Variants in PAPOLB observed in about 807,000 individuals in gnomAD.
PAPOLB encodes poly(A) polymerase beta, also known as PAP-beta.
A neutral mutation model predicts 23.2 loss-of-function variants in PAPOLB; 19 were observed. The ratio of observed to expected loss-of-function variants is 0.82; its 90% CI spans 0.57 to 1.20. The LOEUF (loss-of-function observed/expected upper bound fraction) is 1.20. Ranked by LOEUF, PAPOLB falls within the 50% of genes most tolerant of loss-of-function variation. PAPOLB has a pLI of 0.00. For missense variants in PAPOLB, 822 were observed against 776.8 expected (o/e 1.06, Z -0.69); for synonymous variants, 360 against 290.7 (o/e 1.24, Z -2.43).
Position 4,859,922 on chromosome 7 carries a change from T to C in PAPOLB, c.1889A>G (p.Gln630Arg), listed in dbSNP as rs1002692978. 1 of 1,612,112 alleles carries C rather than the reference T, an allele frequency of 6.2e-7. No homozygotes were observed. Among genetic ancestry groups the C allele is most frequent in the African/African-American group, 1.3e-5 (1 of 74,990 alleles). Residue 630 changes from glutamine (Q) to arginine (R), a missense_variant, in exon 1 of 1, where the codon CAG becomes CGG. Physicochemically the swap from Gln to Arg is conservative, Grantham distance 43 (BLOSUM62 1). Transcript: ENST00000404991. ...CTATAGGATTAGATATGTTTGTTGC[T>C]GAGTTTCCTGAAGGTCTGGATGGCT... ...LISHPDLQET[Q>R]QQTYLIL
chr7:4,861,743 A>T lies in PAPOLB; in HGVS notation c.68T>A (p.Val23Asp). ...GACCGCTAGACTGATAGGCGAGGAG[A>T]CGCCGTAGCGATTCGGCGGCGGCGC... ...QPAPPPNRYG[V>D]SSPISLAVPK... Residue 23 changes from valine (V) to aspartate (D), a missense_variant, in exon 1 of 1, where the codon GTC (valine) becomes GAC (aspartate). Around this residue, in one of 3 missense-constraint regions of PAPOLB, gnomAD observed 276 missense variants for 243.9 expected, o/e 1.13. Transcript: ENST00000404991. 3 of 1,507,744 alleles carry T rather than the reference A, an allele frequency of 2.0e-6. No homozygotes were observed. Among genetic ancestry groups the T allele is most frequent in the Non-Finnish European group, 2.7e-6 (3 of 1,130,258 alleles). The allele number at this position is 1,507,744 out of a possible 1,614,324, so 93.4% of individuals were successfully genotyped here.
In PAPOLB at chr7:4,861,312, T is replaced by C. The variant is rs1232244478; in HGVS notation, c.499A>G (p.Ile167Val). 3 of 1,613,996 alleles carry C rather than the reference T, an allele frequency of 1.9e-6. No homozygotes were observed. The highest frequency in any genetic ancestry group is 1.7e-5 in the Admixed American group (1 of 60,032). ...VIKLCFDGIE[I>V]DILFARLALQ... is the part of the protein sequence containing the mutation. ...GCTAATCTTGCAAATAAAATATCAA[T>C]CTCTATCCCATCAAAACACAGTTTG... Residue 167 changes from isoleucine (I) to valine (V), a missense_variant, in exon 1 of 1, where the codon ATT (isoleucine) becomes GTT (valine). Coordinates refer to ENST00000404991, the MANE Select transcript of PAPOLB (RefSeq NM_020144.5).
chr7:4,861,846 C>CCACCGCGACCTTCACGTCCCCCAT lies in PAPOLB; in HGVS notation c.-37_-36insATGGGGGACGTGAAGGTCGCGGTG. On this transcript the variant is annotated 5_prime_UTR_variant, in exon 1 of 1. The change creates a new upstream start codon in the 5' untranslated region. Transcript: ENST00000404991. Reference sequence around the variant, plus strand: ...CCGCCCCGCCAGGGCACGTCCCCCACCACCGCGACCTTCGCGGCCGCCGCC... The same window carrying CCACCGCGACCTTCACGTCCCCCAT: ...CCGCCCCGCCAGGGCACGTCCCCCACCACCGCGACCTTCACGTCCCCCATCACCGCGACCTTCGCGGCCGCCGCC... 7.2e-7 allele frequency: 1 copy of CCACCGCGACCTTCACGTCCCCCAT among 1,395,100 alleles called. No individual in the cohort carries two copies. Among genetic ancestry groups the CCACCGCGACCTTCACGTCCCCCAT allele is most frequent in the Non-Finnish European group, 9.4e-7 (1 of 1,067,728 alleles). The allele number at this position is 1,395,100 out of a possible 1,614,324, so 86.4% of individuals were successfully genotyped here.
At position 4,860,274 on chromosome 7, in the gene PAPOLB, CTTCTGTTG is replaced by C. The variant is rs1168284336; in HGVS notation, c.1529_1536del (p.Ser510TrpfsTer2). On this transcript the variant is annotated frameshift_variant, in exon 1 of 1. Transcript: ENST00000404991. ...TCGTTCAAATCTGTCAATCTTCTAC[CTTCTGTTG>C]AGTGTGCTTTCTTGTCCTGAAGCAC... is the stretch of plus-strand genomic sequence containing the variant. The C allele has an allele frequency of 2.1e-5, 34 of 1,613,854 alleles. No homozygotes were observed. Among genetic ancestry groups the C allele is most frequent in the Non-Finnish European group, 2.6e-5 (31 of 1,179,872 alleles).
Position 4,861,842 on chromosome 7 carries a change from C to CCCACCACCGCGACCTTCACGTCCT in PAPOLB, c.-33_-32insAGGACGTGAAGGTCGCGGTGGTGG. On this transcript the variant is annotated 5_prime_UTR_variant, in exon 1 of 1. Transcript: ENST00000404991. ...GCGCCCGCCCCGCCAGGGCACGTCC[C>CCCACCACCGCGACCTTCACGTCCT]CCACCACCGCGACCTTCGCGGCCGC... 1 of 1,395,734 alleles carries CCCACCACCGCGACCTTCACGTCCT rather than the reference C, an allele frequency of 7.2e-7. No individual in the cohort carries two copies. The highest frequency in any genetic ancestry group is 9.3e-7 in the Non-Finnish European group (1 of 1,070,910). The allele number at this position is 1,395,734 out of a possible 1,614,324, so 86.5% of individuals were successfully genotyped here.
chr7:4,861,770 G>T lies in PAPOLB; in HGVS notation c.41C>A (p.Pro14Gln). ...GCCGTAGCGATTCGGCGGCGGCGCC[G>T]GCTGCGGTGGTCCCTGGGTTGTCAC... is the stretch of plus-strand genomic sequence containing the variant. ...FPVTTQGPPQ[P>Q]APPPNRYGVS... The change falls in exon 1 of 1, where the codon CCG becomes CAG. Residue 14 changes from proline (P) to glutamine (Q), a missense_variant. Pro to Gln is a moderately conservative substitution (Grantham distance 76, BLOSUM62 -1). Transcript: ENST00000404991. The T allele has an allele frequency of 6.7e-7, 1 of 1,485,870 alleles. No homozygotes were observed. The highest frequency in any genetic ancestry group is 8.9e-7 in the Non-Finnish European group (1 of 1,120,638). 92.0% of individuals were successfully genotyped at this position (1,485,870 alleles called of 1,614,324 possible).
rs530008899 is a variant in PAPOLB, at chr7:4,861,569, C to A, written c.242G>T (p.Ser81Ile). ...AGACTGGGGAAGACTCTTGCTTTCA[C>A]TGATTTCGCGTATCCATTCCTTTAC... ...NLVKEWIREI[S>I]ESKSLPQSVI... Residue 81 changes from serine to isoleucine, a missense_variant, in exon 1 of 1, where the codon AGT becomes ATT. Physicochemically the swap from Ser to Ile is moderately radical, Grantham distance 142. Coordinates refer to ENST00000404991, the MANE Select transcript of PAPOLB (RefSeq NM_020144.5). 1.2e-5 allele frequency: 19 copies of A among 1,613,946 alleles called. No individual in the cohort carries two copies. In the African/African-American group the frequency reaches 2.5e-4, roughly 21 times the overall value.
rs1783999467 is a variant in PAPOLB, at chr7:4,861,592, T to C, written c.219A>G (p.Val73=). ...ILVLEKLNNL[V]KEWIREISES... ...CACTGATTTCGCGTATCCATTCCTT[T>C]ACCAGATTATTTAATTTTTCCAAAA... The change falls in exon 1 of 1, where the codon GTA becomes GTG. Residue 73 remains valine (V), a synonymous_variant. Transcript: ENST00000404991. 1 of 1,612,080 alleles carries C rather than the reference T, an allele frequency of 6.2e-7. No homozygotes were observed. Among genetic ancestry groups the C allele is most frequent in the South Asian group, 1.1e-5 (1 of 90,684 alleles).
In PAPOLB at chr7:4,861,006, G is replaced by T; in HGVS notation, c.805C>A (p.Leu269Ile). 6.2e-7 allele frequency: 1 copy of T among 1,614,218 alleles called. No individual in the cohort carries two copies. Among genetic ancestry groups the T allele is most frequent in the Non-Finnish European group, 8.5e-7 (1 of 1,180,026 alleles). The change falls in exon 1 of 1, where the codon CTT (leucine) becomes ATT (isoleucine). Residue 269 changes from leucine (L) to isoleucine (I), a missense_variant. By Grantham distance (5) the Leu-to-Ile change is conservative. Coordinates refer to ENST00000404991, the MANE Select transcript of PAPOLB (RefSeq NM_020144.5). ...QLYPNAVAST[L>I]VRKFFLVFSE... ...AATACCAAGAAGAATTTCCGTACAA[G>T]AGTTGACGCTACTGCATTTGGATAA...
chr7:4,861,556 ACT>A lies in PAPOLB; in HGVS notation c.253_254del (p.Leu86SerfsTer6), dbSNP rs1783997688. ...CGTTTTCAATTACAGACTGGGGAAGACTCTTGCTTTCACTGATTTCGCGTATC... is the reference window on the plus strand; with the variant it reads ...CGTTTTCAATTACAGACTGGGGAAGACTTGCTTTCACTGATTTCGCGTATC... ...EWIREISESK[S>X]LPQSVIENVG... On this transcript the variant is annotated frameshift_variant, in exon 1 of 1. Transcript: ENST00000404991. LOFTEE classifies it high-confidence loss of function. The A allele has an allele frequency of 1.2e-6, 2 of 1,613,984 alleles. No homozygotes were observed. Among genetic ancestry groups the A allele is most frequent in the Non-Finnish European group, 8.5e-7 (1 of 1,179,894 alleles).
At position 4,859,848 on chromosome 7, in the gene PAPOLB, T is replaced by C. The variant is rs1239133608; in HGVS notation, c.*49A>G. 1 of 1,318,606 alleles carries C rather than the reference T, an allele frequency of 7.6e-7. No individual in the cohort carries two copies. Among genetic ancestry groups the C allele is most frequent in the African/African-American group, 1.5e-5 (1 of 67,848 alleles). The allele number at this position is 1,318,606 out of a possible 1,614,324, so 81.7% of individuals were successfully genotyped here. A position where few individuals can be genotyped will look rare whatever the true frequency, so the allele number is the denominator to read the frequency against. On this transcript the variant is annotated 3_prime_UTR_variant, in exon 1 of 1. Transcript: ENST00000404991. ...GAGTTTCTCCTCTTCCGTTTTGGTT[T>C]TCTTGGTCCTTTCTTCTTTATGAGG...
chr7:4,861,378 T>C lies in PAPOLB; in HGVS notation c.433A>G (p.Lys145Glu). 6.2e-7 allele frequency: 1 copy of C among 1,614,218 alleles called. No individual in the cohort carries two copies. Among genetic ancestry groups the C allele is most frequent in the Non-Finnish European group, 8.5e-7 (1 of 1,180,022 alleles). The change falls in exon 1 of 1, where the codon AAA (lysine) becomes GAA (glutamate). Residue 145 changes from lysine (K) to glutamate (E), a missense_variant. Transcript: ENST00000404991. ...YAKLKLQEEV[K>E]DLRAVEEAFV... ...GCCTCCTCGACAGCCCTTAAATCTT[T>C]CACTTCCTCCTGTAGTTTCAGTTTA...
In PAPOLB at chr7:4,860,878, G is replaced by A. The variant is rs1562454297; in HGVS notation, c.933C>T (p.Tyr311=). Residue 311 remains tyrosine (Y), a synonymous_variant, in exon 1 of 1, where the codon TAC becomes TAT. Coordinates refer to ENST00000404991, the MANE Select transcript of PAPOLB (RefSeq NM_020144.5). Reference sequence around the variant, plus strand: ...CTGGTGTGATGATAGGCATAAGATGGTACCTATCACTGGGATTTACTCTTG... The same window carrying A: ...CTGGTGTGATGATAGGCATAAGATGATACCTATCACTGGGATTTACTCTTG... The part of the protein sequence containing the change: ...WDPRVNPSDR[Y]HLMPIITPAY... The A allele has an allele frequency of 3.1e-6, 5 of 1,613,816 alleles. No individual in the cohort carries two copies. Among genetic ancestry groups the A allele is most frequent in the East Asian group, 2.2e-5 (1 of 44,882 alleles).
Position 4,860,464 on chromosome 7 carries a change from A to C in PAPOLB, c.1347T>G (p.Asn449Lys), listed in dbSNP as rs1553960. 9.9e-6 allele frequency: 16 copies of C among 1,613,870 alleles called. No homozygotes were observed. In the South Asian group the frequency reaches 1.2e-4, roughly 12 times the overall value. Residue 449 changes from asparagine (N) to lysine (K), a missense_variant, in exon 1 of 1, where the codon AAT becomes AAG. This residue lies in a region of PAPOLB where 534 missense variants were observed against 502.8 expected (regional missense o/e 1.06). Transcript: ENST00000404991. ...VIGLGLKKPDNSEILSIDLTY... is the reference protein window; with the variant it reads ...VIGLGLKKPDKSEILSIDLTY... Reference sequence around the variant, plus strand: ...TGAGATCAATGCTGAGAATTTCAGAATTATCTGGCTTTTTTAGCCCTAACC... The same window carrying C: ...TGAGATCAATGCTGAGAATTTCAGACTTATCTGGCTTTTTTAGCCCTAACC...
rs369664008 is a variant in PAPOLB, at chr7:4,861,343, T to G, written c.468A>C (p.Pro156=). 7.4e-6 allele frequency: 12 copies of G among 1,613,894 alleles called. No homozygotes were observed. The highest frequency in any genetic ancestry group is 8.5e-6 in the Non-Finnish European group (10 of 1,179,864). The stretch of plus-strand genomic sequence containing the variant: ...TCCCATCAAAACACAGTTTGATAAC[T>G]GGCACAAATGCCTCCTCGACAGCCC... ...DLRAVEEAFV[P]VIKLCFDGIE... Residue 156 remains proline, a synonymous_variant, in exon 1 of 1, where the codon CCA becomes CCC. Coordinates refer to ENST00000404991, the MANE Select transcript of PAPOLB (RefSeq NM_020144.5).
Position 4,861,932 on chromosome 7 carries a change from T to G in PAPOLB, c.-122A>C. On this transcript the variant is annotated 5_prime_UTR_variant, in exon 1 of 1. Coordinates refer to ENST00000404991, the MANE Select transcript of PAPOLB (RefSeq NM_020144.5). Reference sequence around the variant, plus strand: ...TCTAGCTGCCCTGGTCCGACCCCACTCCCACTCCCGCTGCGCGCCCGCCGC... The same window carrying G: ...TCTAGCTGCCCTGGTCCGACCCCACGCCCACTCCCGCTGCGCGCCCGCCGC... The G allele has an allele frequency of 5.5e-6, 3 of 547,100 alleles. No individual in the cohort carries two copies. The highest frequency in any genetic ancestry group is 5.2e-4 in the Middle Eastern group (1 of 1,926). The allele number at this position is 547,100 out of a possible 1,614,324, so 33.9% of individuals were successfully genotyped here.
rs567916716 is a variant in PAPOLB at position 4,858,409 on chromosome 7, A to T, written c.*1488T>A. 6.6e-6 allele frequency: 1 copy of T among 152,526 alleles called. No homozygotes were observed. Among genetic ancestry groups the T allele is most frequent in the South Asian group, 2.1e-4 (1 of 4,834 alleles). 9.4% of individuals were successfully genotyped at this position (152,526 alleles called of 1,614,324 possible). ...CTAATCATAGATGCTCTACTGCTTA[A>T]TTATGAGATTTTTTTTAACTTAAAG... is the stretch of plus-strand genomic sequence containing the variant. On this transcript the variant is annotated 3_prime_UTR_variant, in exon 1 of 1. Transcript: ENST00000404991.
chr7:4,861,899 G>T lies in PAPOLB; in HGVS notation c.-89C>A. On this transcript the variant is annotated 5_prime_UTR_variant, in exon 1 of 1. Transcript: ENST00000404991. ...GGTCATGATCCGCTGAGGCGGAAGG[G>T]CAGGGCTTCTAGCTGCCCTGGTCCG... 1 of 936,040 alleles carries T rather than the reference G, an allele frequency of 1.1e-6. No homozygotes were observed. The highest frequency in any genetic ancestry group is 1.5e-6 in the Non-Finnish European group (1 of 666,058). 58.0% of individuals were successfully genotyped at this position (936,040 alleles called of 1,614,324 possible).
Position 4,860,307 on chromosome 7 carries a change from CAT to C in PAPOLB, c.1502_1503del (p.His501ArgfsTer13). 1 of 1,613,990 alleles carries C rather than the reference CAT, an allele frequency of 6.2e-7. No homozygotes were observed. The highest frequency in any genetic ancestry group is 1.1e-5 in the South Asian group (1 of 91,088). On this transcript the variant is annotated frameshift_variant, in exon 1 of 1. Coordinates refer to ENST00000404991, the MANE Select transcript of PAPOLB (RefSeq NM_020144.5). Reference protein sequence around the residue: ...RKELHQLLPHHVLQDKKAHST... With the variant: ...RKELHQLLPHXVLQDKKAHST... Reference sequence around the variant, plus strand: ...GAGTGTGCTTTCTTGTCCTGAAGCACATGATGAGGCAGCAGCTGGTGAAGTTC... The same window carrying C: ...GAGTGTGCTTTCTTGTCCTGAAGCACGATGAGGCAGCAGCTGGTGAAGTTC...
Sources: allele counts gnomAD v4.1 joint callset, GRCh38; gene constraint gnomAD v4.1.1; regional missense constraint gnomAD v4.1.1; transcripts MANE v1.5; gene names NCBI Gene and HGNC (gene_info 2026-07-23, HGNC 2026-07-21).